The following MTUS1 variants were observed in gnomAD, a reference collection of about 807,000 sequenced individuals.
MTUS1 encodes microtubule-associated tumor suppressor 1.
A neutral mutation model predicts 120.8 loss-of-function variants in MTUS1; 109 were observed. The observed-to-expected ratio is 0.90, with a 90% confidence interval of 0.77 to 1.06. The LOEUF (loss-of-function observed/expected upper bound fraction) is 1.06, where lower values mean the gene tolerates loss of function less well. Ranked by LOEUF, MTUS1 falls within the 50% of genes least tolerant of loss-of-function variation. The probability of loss-of-function intolerance (pLI) is 0.00; values close to 1 mark genes in which losing one functional copy is unlikely to be tolerated. For synonymous variants in MTUS1, 737 were observed against 550.5 expected (o/e 1.34, Z -4.74); for missense variants, 2,210 against 1,486.3 (o/e 1.49, Z -8.01).
rs1805513770 is a variant in MTUS1 at position 17,645,037 on chromosome 8, C to T, written c.*889G>A. 7.4e-6 allele frequency: 1 copy of T among 135,902 alleles called. No individual in the cohort carries two copies. Among genetic ancestry groups the T allele is most frequent in the Non-Finnish European group, 1.6e-5 (1 of 63,646 alleles). The allele number at this position is 135,902 out of a possible 1,614,324, so 8.4% of individuals were successfully genotyped here. A position where few individuals can be genotyped will look rare whatever the true frequency, so the allele number is the denominator to read the frequency against. ...AAGGTGGAAAAACCCATTGGTACTTCCCTTTTTCTTTCTTTACACAGTTAG... is the reference window on the plus strand; with the variant it reads ...AAGGTGGAAAAACCCATTGGTACTTTCCTTTTTCTTTCTTTACACAGTTAG... On this transcript the variant is annotated 3_prime_UTR_variant, in exon 15 of 15. Transcript: ENST00000693296.
intron 2 of MTUS1, among the ~76,000 whole-genome samples, chr8:17,744,993 G>C (rs2047635747): frequency 6.6e-6 from 1 of 152,156 alleles, no homozygotes. Context: ...ATGAAATCAA[G>C]CTGTAACCCA....
intron 7 of MTUS1, 89 bp from the exon 8 acceptor site, chr8:17,675,341 C>T: frequency 8.6e-7 from 1 of 1,157,514 alleles, no homozygotes; most frequent in Non-Finnish European, 1.3e-6. Context: ...AAAATGAGAC[C>T]CAGTATTGGG....
Position 17,753,804 on chromosome 8 carries a change from A to C in MTUS1, c.2004T>G (p.Gly668=), listed in dbSNP as rs2048370864. 6.2e-7 allele frequency: 1 copy of C among 1,613,518 alleles called. No homozygotes were observed. The highest frequency in any genetic ancestry group is 8.5e-7 in the Non-Finnish European group (1 of 1,179,918). Residue 668 remains glycine (G), a synonymous_variant, in exon 2 of 15, where the codon GGT becomes GGG. Transcript: ENST00000693296. ...CCATAGATGTCCCATTTTCTTTTTCACCCTTCTTTTCAGGGCTAATCCTAT... is the reference window on the plus strand; with the variant it reads ...CCATAGATGTCCCATTTTCTTTTTCCCCCTTCTTTTCAGGGCTAATCCTAT... ...NIDRISPEKK[G]EKENGTSMEK...
At chr8:17,796,424 A>G (rs1048590048) in intron 1 of MTUS1, among the ~76,000 whole-genome samples, 2 of 66,212 alleles carry the variant, frequency 3.0e-5, no homozygotes, top group Non-Finnish European at 6.8e-5. Flanking sequence ...AGTACCTGAA[A>G]GCTATTTACT....
chr8:17,722,285 T>C, intron 4 of MTUS1: 2 of 982,538 alleles, frequency 2.0e-6, no homozygotes, highest in Non-Finnish European at 2.4e-6. Context: ...CTACAGACTG[T>C]GTCTGCTTCA....
chr8:17,650,046 T>C, intron 12 of MTUS1, 84 bp from the exon 13 acceptor site: 1 of 800,866 alleles, frequency 1.2e-6, no homozygotes, highest in South Asian at 1.4e-5. Context: ...GATTGAGACA[T>C]TAGACAAGTA....
rs879339382 is a variant in MTUS1 at position 17,644,540 on chromosome 8, G to A, written c.*1386C>T. On this transcript the variant is annotated 3_prime_UTR_variant, in exon 15 of 15. Transcript: ENST00000693296. ...GAAAGAAACTGAAATGCAACCTGGA[G>A]GAGAGTTGGACAAGCCACATTTTCC... 1 of 152,238 alleles carries A rather than the reference G, an allele frequency of 6.6e-6. No individual in the cohort carries two copies. Among genetic ancestry groups the A allele is most frequent in the Non-Finnish European group, 1.5e-5 (1 of 68,034 alleles). The allele number at this position is 152,238 out of a possible 1,614,324, so 9.4% of individuals were successfully genotyped here. A position where few individuals can be genotyped will look rare whatever the true frequency, so the allele number is the denominator to read the frequency against.
At chr8:17,674,570 G>A (rs1206489503) in intron 8 of MTUS1, 8 of 985,992 alleles carry the variant, frequency 8.1e-6, no homozygotes, top group Middle Eastern at 4.8e-4. Context: ...GGTGGGTGTT[G>A]AGACCTGGAA....
chr8:17,779,516 T>C (rs939067110), intron 1 of MTUS1, among the ~76,000 whole-genome samples: 2 of 152,248 alleles, frequency 1.3e-5, no homozygotes, highest in African/African-American at 4.8e-5. Flanking sequence ...GAATTTGCCA[T>C]TATTTATTTA....
chr8:17,774,110 G>C (rs545092975), intron 1 of MTUS1, among the ~76,000 whole-genome samples: 16 of 152,250 alleles, frequency 1.1e-4, no homozygotes, highest in African/African-American at 3.9e-4. Context: ...TTTGCCTGGA[G>C]ATTTATTTAA....
chr8:17,705,164 G>C (rs1237659287), intron 6 of MTUS1, among the ~76,000 whole-genome samples: 1 of 151,734 alleles, frequency 6.6e-6, no homozygotes, highest in African/African-American at 2.4e-5. Context: ...TTGTATTTTT[G>C]GTAGAGATGG....
intron 6 of MTUS1, among the ~76,000 whole-genome samples, chr8:17,687,113 T>C (rs1478755142): frequency 6.6e-6 from 1 of 152,168 alleles, no homozygotes; most frequent in Non-Finnish European, 1.5e-5. Flanking sequence ...AACACATTGA[T>C]GTATTCGTCT....
In MTUS1 at chr8:17,677,957, C is replaced by A. The variant is rs555480029; in HGVS notation, c.2839-2705G>T. ...AAATTTAAGACATGGTCCCTGCCTT[C>A]AAGAAGCATGGGGCCTACCTAGAAC... is the stretch of plus-strand genomic sequence containing the variant. On this transcript the variant is annotated intron_variant, in intron 7 of 14. Transcript: ENST00000693296. Among the ~76,000 whole-genome samples the A allele has an allele frequency of 4.1e-4, 63 of 152,290 alleles. 1 individual carries two copies. In the South Asian group the frequency reaches 9.5e-3, roughly 23 times the overall value.
intron 3 of MTUS1, among the ~76,000 whole-genome samples, chr8:17,738,299 C>G (rs888432077): frequency 1.3e-5 from 2 of 152,210 alleles, no homozygotes; most frequent in Non-Finnish European, 2.9e-5. Flanking sequence ...TAAACACGCA[C>G]TCTCCCTCCT....
intron 2 of MTUS1, among the ~76,000 whole-genome samples, chr8:17,749,941 T>A (rs1341963461): frequency 6.7e-6 from 1 of 150,116 alleles, no homozygotes; most frequent in Non-Finnish European, 1.5e-5. Flanking sequence ...ATTACAGAGT[T>A]TGACCCTTTT....
At chr8:17,652,826 A>C (rs1807314481) in intron 12 of MTUS1, among the ~76,000 whole-genome samples, 1 of 146,292 alleles carries the variant, frequency 6.8e-6, no homozygotes, top group South Asian at 2.3e-4. Context: ...ACAGAGTGAG[A>C]CTCCCTCTCA....
intron 6 of MTUS1, among the ~76,000 whole-genome samples, chr8:17,704,777 T>A (rs965964988): frequency 6.6e-6 from 1 of 152,140 alleles, no homozygotes; most frequent in Non-Finnish European, 1.5e-5. Context: ...ACTTTTGGGA[T>A]TGTTTTTTCT....
intron 8 of MTUS1, 150 bp from the exon 9 acceptor site, chr8:17,656,215 T>G: frequency 1.4e-6 from 1 of 715,212 alleles, no homozygotes. Flanking sequence ...AATATAACAG[T>G]ATGGAAGTGA....
chr8:17,703,797 G>A (rs906453160), intron 6 of MTUS1, among the ~76,000 whole-genome samples: 17 of 152,172 alleles, frequency 1.1e-4, no homozygotes, highest in Non-Finnish European at 8.8e-5. Flanking sequence ...AAGACAATAC[G>A]TGCACTGCTG....
Sources: gnomAD v4.1 joint callset for allele counts (sites outside exome capture counted in the v4.1 genomes callset) on GRCh38, gnomAD v4.1.1 for gene constraint, MANE v1.5 for transcripts, NCBI Gene and HGNC (gene_info 2026-07-23, HGNC 2026-07-21) for gene names.